Variants in PINX1 observed in about 807,000 individuals in gnomAD.
PINX1 encodes the protein PIN2/TERF1-interacting telomerase inhibitor 1.
Under a neutral mutation model 25.4 loss-of-function variants are expected in PINX1, and 34 were observed. The observed-to-expected ratio is 1.34, with a 90% CI of 1.02 to 1.78. PINX1 has a LOEUF of 1.78. PINX1 is among the 40% of genes most tolerant of loss of function. PINX1 has a pLI of 0.00. For missense variants in PINX1, 592 were observed against 404.9 expected (o/e 1.46, Z -3.97); for synonymous variants, 197 against 147.7 (o/e 1.33, Z -2.42).
At chr8:10,785,370 G>T (rs1228786607) in intron 6 of PINX1, among the ~76,000 whole-genome samples, 2 of 152,168 alleles carry the variant, frequency 1.3e-5, no homozygotes, top group Non-Finnish European at 2.9e-5. Flanking sequence ...TCTACGAAAA[G>T]ATAAGATTCT....
intron 6 of PINX1, among the ~76,000 whole-genome samples, chr8:10,773,331 T>C (rs1212233707): frequency 6.6e-6 from 1 of 152,244 alleles, no homozygotes; most frequent in Non-Finnish European, 1.5e-5. Context: ...CTTTCTGAAC[T>C]GTGTCAGCAA....
intron 2 of PINX1, among the ~76,000 whole-genome samples, chr8:10,833,258 G>A (rs1263109067): frequency 2.6e-5 from 4 of 152,224 alleles, no homozygotes; most frequent in Admixed American, 6.5e-5. Flanking sequence ...AGGCACCCAG[G>A]GTGGCTTCTG....
intron 6 of PINX1, among the ~76,000 whole-genome samples, chr8:10,800,604 G>A (rs1034889402): frequency 1.3e-5 from 2 of 151,892 alleles, no homozygotes; most frequent in African/African-American, 4.8e-5. Context: ...TGAATAGCTG[G>A]GATTACAGGT....
At chr8:10,821,036 G>GT in intron 5 of PINX1, among the ~76,000 whole-genome samples, 1 of 152,210 alleles carries the variant, frequency 6.6e-6, no homozygotes, top group East Asian at 1.9e-4. Context: ...ATAATCCTCT[G>GT]TGAGCAGTAG....
At chr8:10,789,052 G>A (rs1354556215) in intron 6 of PINX1, among the ~76,000 whole-genome samples, 1 of 152,236 alleles carries the variant, frequency 6.6e-6, no homozygotes, top group Non-Finnish European at 1.5e-5. Context: ...GACAAGCCCA[G>A]TACCGGCTTC....
At chr8:10,784,220 T>C (rs1035940941) in intron 6 of PINX1, among the ~76,000 whole-genome samples, 3 of 152,250 alleles carry the variant, frequency 2.0e-5, no homozygotes, top group African/African-American at 7.2e-5. Flanking sequence ...GAGGCTGATC[T>C]AAAACGAAAT....
intron 6 of PINX1, among the ~76,000 whole-genome samples, chr8:10,807,328 C>A (rs868400389): frequency 0.16 from 4,454 of 28,358 alleles, 344 homozygotes; most frequent in African/African-American, 0.36. Flanking sequence ...CCCCCCCCCA[C>A]CCCCCCCCCC....
At chr8:10,790,974 G>A (rs1038648830) in intron 6 of PINX1, among the ~76,000 whole-genome samples, 11 of 152,064 alleles carry the variant, frequency 7.2e-5, no homozygotes, top group African/African-American at 2.7e-4. Flanking sequence ...GTACAAAGGC[G>A]CAATCTTGGC....
intron 5 of PINX1, chr8:10,821,877 G>A (rs1427756201): frequency 6.6e-6 from 1 of 152,252 alleles, no homozygotes; most frequent in Non-Finnish European, 1.5e-5. Flanking sequence ...TTAAGGAAGA[G>A]AGGGTACATG....
At chr8:10,779,046 A>C (rs950590316) in intron 6 of PINX1, among the ~76,000 whole-genome samples, 6 of 152,216 alleles carry the variant, frequency 3.9e-5, no homozygotes, top group Non-Finnish European at 7.3e-5. Context: ...GGTTTAGAAA[A>C]ATTACGCTTC....
In PINX1 at chr8:10,837,928, A is replaced by C. The variant is rs1040857001; in HGVS notation, c.19+1810T>G. Among the ~76,000 whole-genome samples the C allele has an allele frequency of 7.2e-5, 11 of 152,220 alleles. 1 individual carries two copies. The highest frequency in any genetic ancestry group is 2.7e-4 in the African/African-American group (11 of 41,460). On this transcript the variant is annotated intron_variant, in intron 1 of 6. Transcript: ENST00000314787. The stretch of plus-strand genomic sequence containing the variant: ...GGAACTGCAACCTACGTTAGAACTT[A>C]AAGGAAGCGAAAGCCTACCGTAGGA...
At chr8:10,825,448 TACAG>T (rs768532558) in intron 5 of PINX1, 8 of 534,812 alleles carry the variant, frequency 1.5e-5, no homozygotes, top group African/African-American at 7.7e-5. Context: ...GATACTGTTC[TACAG>T]ACAAACTGGG....
intron 1 of PINX1, among the ~76,000 whole-genome samples, chr8:10,838,158 G>A (rs980229516): frequency 1.3e-5 from 2 of 152,182 alleles, no homozygotes; most frequent in Admixed American, 1.3e-4. Flanking sequence ...AGTTCTGAAG[G>A]CTGCCCAATT....
Position 10,839,846 on chromosome 8 carries a change from T to A in PINX1, c.-90A>T. On this transcript the variant is annotated 5_prime_UTR_variant, in exon 1 of 7. Coordinates refer to ENST00000314787, the MANE Select transcript of PINX1 (RefSeq NM_017884.6). The stretch of plus-strand genomic sequence containing the variant: ...GACTCCAGGAGAATCAGGACGTGCG[T>A]AACTCCCTCGCCGGCGGACTGCAGC... The A allele has an allele frequency of 1.6e-6, 2 of 1,288,910 alleles. No individual in the cohort carries two copies. The highest frequency in any genetic ancestry group is 1.3e-5 in the South Asian group (1 of 74,606). 79.8% of individuals were successfully genotyped at this position (1,288,910 alleles called of 1,614,324 possible).
At chr8:10,770,402 G>C (rs923320518) in intron 6 of PINX1, among the ~76,000 whole-genome samples, 1 of 152,166 alleles carries the variant, frequency 6.6e-6, no homozygotes, top group Non-Finnish European at 1.5e-5. Flanking sequence ...AGTCCCTGCG[G>C]GTATCAATTA....
chr8:10,816,781 C>T lies in PINX1; in HGVS notation c.471+3412G>A, dbSNP rs115589349. ...TAAATGAGAAAGAGTTCATTAACTT[C>T]GGCAGGACTGCTGTATTATCGGAGA... On this transcript the variant is annotated intron_variant, in intron 6 of 6. Coordinates refer to ENST00000314787, the MANE Select transcript of PINX1 (RefSeq NM_017884.6). Among the ~76,000 whole-genome samples, 346 of 152,264 alleles carry T rather than the reference C, an allele frequency of 2.3e-3. 2 individuals are homozygous for T. Among genetic ancestry groups the T allele is most frequent in the African/African-American group, 7.8e-3 (325 of 41,544 alleles).
intron 6 of PINX1, among the ~76,000 whole-genome samples, chr8:10,815,845 G>T (rs1797679851): frequency 6.6e-6 from 1 of 152,204 alleles, no homozygotes; most frequent in Non-Finnish European, 1.5e-5. Context: ...TCTACAAGGA[G>T]TTCTCTAAAG....
At chr8:10,800,424 A>G (rs1586168190) in intron 6 of PINX1, among the ~76,000 whole-genome samples, 1 of 152,162 alleles carries the variant, frequency 6.6e-6, no homozygotes, top group East Asian at 1.9e-4. Flanking sequence ...TGATCATTCT[A>G]AAACAATAGA....
intron 4 of PINX1, among the ~76,000 whole-genome samples, chr8:10,830,682 A>G (rs1432442740): frequency 1.3e-5 from 2 of 152,250 alleles, no homozygotes; most frequent in African/African-American, 4.8e-5. Flanking sequence ...CACTTCTTCA[A>G]AGAAGATATA....
Sources: allele counts gnomAD v4.1 joint callset (sites outside exome capture counted in the v4.1 genomes callset), GRCh38; gene constraint gnomAD v4.1.1; transcripts MANE v1.5; gene names NCBI Gene and HGNC (gene_info 2026-07-23, HGNC 2026-07-21).